The following AK9 variants were observed in gnomAD, a reference collection of about 807,000 sequenced individuals.
The protein encoded by AK9 is adenylate kinase domain containing 1.
Under a neutral mutation model 239.6 loss-of-function variants are expected in AK9, and 191 were observed. That is an observed-to-expected ratio of 0.80 (90% CI 0.71 to 0.90). AK9 has a LOEUF of 0.90. AK9 is among the 40% of genes least tolerant of loss of function. The pLI is 0.00. For missense variants in AK9, 1,995 were observed against 2,214.7 expected (o/e 0.90, Z 1.99); for synonymous variants, 689 against 721.0 (o/e 0.96, Z 0.71).
In AK9 at chr6:109,540,937, T is replaced by G. The variant is rs1454937422; in HGVS notation, c.3350+1110A>C. 2.0e-5 allele frequency among the ~76,000 whole-genome samples: 3 copies of G among 152,282 alleles called. No homozygotes were observed. In the East Asian group the frequency reaches 5.8e-4, roughly 29 times the overall value. ...CTGGAATTATACACACATTATACTG[T>G]CAAAAATCATACTGTTAGCCTTCCA... is the stretch of plus-strand genomic sequence containing the variant. On this transcript the variant is annotated intron_variant, in intron 27 of 40. Coordinates refer to ENST00000424296, the MANE Select transcript of AK9 (RefSeq NM_001145128.3).
At chr6:109,647,288 A>G (rs1407343316) in intron 8 of AK9, among the ~76,000 whole-genome samples, 1 of 152,236 alleles carries the variant, frequency 6.6e-6, no homozygotes, top group East Asian at 1.9e-4. Context: ...AAAGACACAG[A>G]TTGGCAAATT....
At chr6:109,662,523 C>T (rs368275383) in intron 6 of AK9, 28 bp downstream of exon 6, 126 of 1,463,222 alleles carry the variant, frequency 8.6e-5, no homozygotes, top group Admixed American at 2.1e-4. Context: ...ATGGTTTACT[C>T]TACTAGCAAA....
chr6:109,595,950 T>G (rs181979192), intron 17 of AK9, among the ~76,000 whole-genome samples: 1 of 152,122 alleles, frequency 6.6e-6, no homozygotes, highest in African/African-American at 2.4e-5. Flanking sequence ...TGTATACCTA[T>G]GTAACAAACC....
At chr6:109,628,160 A>G (rs969598076) in intron 12 of AK9, among the ~76,000 whole-genome samples, 2 of 152,156 alleles carry the variant, frequency 1.3e-5, no homozygotes, top group Non-Finnish European at 2.9e-5. Context: ...TGTTCTAGTA[A>G]TAAGGCCTCT....
intron 1 of AK9, among the ~76,000 whole-genome samples, chr6:109,688,892 T>C (rs956313347): frequency 6.6e-6 from 1 of 152,124 alleles, no homozygotes; most frequent in Admixed American, 6.5e-5. Context: ...CATAAACTGC[T>C]AGATAAGTGG....
chr6:109,678,209 A>C (rs1347141839), intron 1 of AK9, among the ~76,000 whole-genome samples: 1 of 152,242 alleles, frequency 6.6e-6, no homozygotes, highest in African/African-American at 2.4e-5. Context: ...GTACATCCAT[A>C]CCATGGAATA....
At position 109,584,936 on chromosome 6, in the gene AK9, CTG is replaced by C. The variant is rs545844876; in HGVS notation, c.2114+185_2114+186del. 3.7e-4 allele frequency among the ~76,000 whole-genome samples: 56 copies of C among 152,168 alleles called. 1 individual carries two copies. The highest frequency in any genetic ancestry group is 1.3e-3 in the African/African-American group (52 of 41,552). On this transcript the variant is annotated intron_variant, in intron 19 of 40. Transcript: ENST00000424296. ...GATATGGGCTGGGAAAAAATCACAA[CTG>C]TGTGCTTTAGAGATTCTGGAAGTAT...
rs543246749 is a variant in AK9 at position 109,607,388 on chromosome 6, G to T, written c.1842+2977C>A. ...ATTTGGAAAAAAAAAGGATGGTCAT[G>T]TCTGTACTAAACATGTGCAGACTTG... On this transcript the variant is annotated intron_variant, in intron 17 of 40. Transcript: ENST00000424296. 2.0e-5 allele frequency among the ~76,000 whole-genome samples: 3 copies of T among 152,258 alleles called. No homozygotes were observed. In the East Asian group the frequency reaches 5.8e-4, roughly 29 times the overall value.
chr6:109,580,183 GA>G (rs375072619), intron 19 of AK9, among the ~76,000 whole-genome samples: 4,124 of 151,730 alleles, frequency 0.027, 81 homozygotes, highest in Non-Finnish European at 0.04. Flanking sequence ...TTTCTAATAA[GA>G]AAAAAACCCT....
intron 5 of AK9, among the ~76,000 whole-genome samples, chr6:109,665,572 G>T (rs1035998280): frequency 1.3e-5 from 2 of 152,144 alleles, no homozygotes; most frequent in South Asian, 4.1e-4. Flanking sequence ...TGTTTGAACT[G>T]GTTTTTAAGA....
chr6:109,567,073 T>A (rs1218983579), intron 21 of AK9, among the ~76,000 whole-genome samples: 2 of 151,810 alleles, frequency 1.3e-5, no homozygotes, highest in Admixed American at 1.3e-4. Flanking sequence ...AAGAAATAAC[T>A]AAGATCAGAG....
chr6:109,642,416 T>G (rs889151334), intron 9 of AK9, among the ~76,000 whole-genome samples: 1 of 152,180 alleles, frequency 6.6e-6, no homozygotes, highest in African/African-American at 2.4e-5. Context: ...CAACCTTCAC[T>G]GATTAATTCC....
At chr6:109,541,696 C>T (rs1034303245) in intron 27 of AK9, among the ~76,000 whole-genome samples, 1 of 152,240 alleles carries the variant, frequency 6.6e-6, no homozygotes, top group Non-Finnish European at 1.5e-5. Context: ...AGGCATGAGC[C>T]ACTGCACCCG....
chr6:109,681,361 A>G (rs1772604871), intron 1 of AK9, among the ~76,000 whole-genome samples: 1 of 152,224 alleles, frequency 6.6e-6, no homozygotes, highest in Admixed American at 6.5e-5. Context: ...GTCATTACAC[A>G]GTGGTAAAGG....
chr6:109,563,917 T>C (rs749363973), intron 23 of AK9, among the ~76,000 whole-genome samples, 163 bp downstream of exon 23: 8 of 152,234 alleles, frequency 5.3e-5, no homozygotes, highest in Non-Finnish European at 8.8e-5. Context: ...CTGTTCTGAT[T>C]GGTCAGGACC....
At chr6:109,583,377 A>C (rs1234967939) in intron 19 of AK9, among the ~76,000 whole-genome samples, 2 of 152,182 alleles carry the variant, frequency 1.3e-5, no homozygotes, top group Non-Finnish European at 2.9e-5. Context: ...TTGGAAACTG[A>C]TGCTGGAAAA....
rs542053682 is a variant in AK9 at position 109,620,924 on chromosome 6, G to A, written c.1255-1688C>T. 5.3e-5 allele frequency among the ~76,000 whole-genome samples: 8 copies of A among 151,612 alleles called. 1 individual carries two copies. The South Asian group carries it at 1.5e-3, about 28-fold the overall frequency. ...ATAAGAGCATAACCATTAGGCATAGGAATTGGAAATACATATGCAAGCCTA... is the reference window on the plus strand; with the variant it reads ...ATAAGAGCATAACCATTAGGCATAGAAATTGGAAATACATATGCAAGCCTA... On this transcript the variant is annotated intron_variant, in intron 12 of 40. Coordinates refer to ENST00000424296, the MANE Select transcript of AK9 (RefSeq NM_001145128.3).
rs779959375 is a variant in AK9 at position 109,493,523 on chromosome 6, T to A, written c.5582A>T (p.Lys1861Met). 6.2e-7 allele frequency: 1 copy of A among 1,614,064 alleles called. No homozygotes were observed. Among genetic ancestry groups the A allele is most frequent in the Non-Finnish European group, 8.5e-7 (1 of 1,179,966 alleles). ...ACAACTCTCCATAAACTGCTCCATC[T>A]TCTTCTTATACTTTTTTCTTGTGTA... Reference protein sequence around the residue: ...SEYTRKKYKKKMEQFMESCEL... With the variant: ...SEYTRKKYKKMMEQFMESCEL... Residue 1861 changes from lysine to methionine, a missense_variant, in exon 41 of 41, where the codon AAG becomes ATG. By Grantham distance (95) the Lys-to-Met change is moderately conservative (BLOSUM62 -1). Transcript: ENST00000424296.
At chr6:109,612,308 C>T (rs1793669496) in intron 15 of AK9, among the ~76,000 whole-genome samples, 1 of 152,020 alleles carries the variant, frequency 6.6e-6, no homozygotes, top group Non-Finnish European at 1.5e-5. Flanking sequence ...TATTATAATG[C>T]CAATGGATCT....
Sources: gnomAD v4.1 joint callset for allele counts (sites outside exome capture counted in the v4.1 genomes callset) on GRCh38, gnomAD v4.1.1 for gene constraint, MANE v1.5 for transcripts, NCBI Gene and HGNC (gene_info 2026-07-23, HGNC 2026-07-21) for gene names.